HYCC2: variants seen among roughly 807,000 people sequenced by gnomAD.
HYCC2 encodes the protein hyccin 2.
the HYCC2 span, among the ~76,000 whole-genome samples, chr2:201,029,907 T>G: frequency 6.6e-6 from 1 of 152,164 alleles, no homozygotes; most frequent in Non-Finnish European, 1.5e-5. Context: ...TGTGCACATG[T>G]ACCCTAGAAC....
the HYCC2 span, among the ~76,000 whole-genome samples, chr2:200,990,261 A>C: frequency 6.6e-6 from 1 of 152,202 alleles, no homozygotes; most frequent in South Asian, 2.1e-4. Context: ...CCTGGAATAC[A>C]TTGCTAGACA....
the HYCC2 span, among the ~76,000 whole-genome samples, chr2:201,018,564 C>T: frequency 6.6e-6 from 1 of 152,156 alleles, no homozygotes; most frequent in African/African-American, 2.4e-5. Flanking sequence ...AAGAGTTAGG[C>T]TTAGCTCTGG....
chr2:201,041,900 A>G, the HYCC2 span, among the ~76,000 whole-genome samples: 1 of 152,210 alleles, frequency 6.6e-6, no homozygotes, highest in Non-Finnish European at 1.5e-5. Context: ...AATCCTAAAA[A>G]TATATTTTAG....
the HYCC2 span, among the ~76,000 whole-genome samples, chr2:201,026,353 A>T: frequency 6.6e-6 from 1 of 152,180 alleles, no homozygotes; most frequent in African/African-American, 2.4e-5. Context: ...AGACTCCCAA[A>T]CAGTAATAAT....
chr2:201,062,429 A>G, the HYCC2 span, among the ~76,000 whole-genome samples: 1 of 152,142 alleles, frequency 6.6e-6, no homozygotes, highest in Non-Finnish European at 1.5e-5. Flanking sequence ...CAGGCAGATC[A>G]CAAGGTCAGG....
chr2:201,069,944 C>T, the HYCC2 span, among the ~76,000 whole-genome samples: 1 of 152,142 alleles, frequency 6.6e-6, no homozygotes, highest in Admixed American at 6.5e-5. Flanking sequence ...GTTTTTCTGA[C>T]ATGCAGTACC....
At chr2:201,027,738 G>C in the HYCC2 span, among the ~76,000 whole-genome samples, 6 of 152,150 alleles carry the variant, frequency 3.9e-5, no homozygotes, top group Non-Finnish European at 8.8e-5. Flanking sequence ...AATAGATGCA[G>C]AAAAGGCCTC....
chr2:201,021,058 C>T, the HYCC2 span, among the ~76,000 whole-genome samples: 11 of 152,194 alleles, frequency 7.2e-5, no homozygotes, highest in Admixed American at 6.5e-4. Context: ...TGAGACACTG[C>T]GCCGGCAACT....
chr2:200,995,493 C>T, the HYCC2 span, among the ~76,000 whole-genome samples: 1 of 152,200 alleles, frequency 6.6e-6, no homozygotes. Context: ...TACGTGAGTA[C>T]GTTACATAAG....
the HYCC2 span, among the ~76,000 whole-genome samples, chr2:201,062,101 T>C: frequency 6.6e-6 from 1 of 152,082 alleles, no homozygotes; most frequent in Non-Finnish European, 1.5e-5. Context: ...CAAGACCCTG[T>C]CTCAAAAAAT....
At chr2:201,029,283 C>T in the HYCC2 span, among the ~76,000 whole-genome samples, 12 of 152,168 alleles carry the variant, frequency 7.9e-5, no homozygotes, top group African/African-American at 2.6e-4. Context: ...GTTAGAATGG[C>T]GACCATCAGA....
chr2:201,040,130 G>A, the HYCC2 span, among the ~76,000 whole-genome samples: 151 of 150,168 alleles, frequency 1.0e-3, no homozygotes, highest in African/African-American at 3.3e-3. Flanking sequence ...CCGAGACCGC[G>A]CCACTGCACT....
chr2:201,010,067 G>GCA, the HYCC2 span, among the ~76,000 whole-genome samples: 1 of 146,588 alleles, frequency 6.8e-6, no homozygotes, highest in African/African-American at 2.5e-5. Flanking sequence ...TCGCGCCACT[G>GCA]CACTCCATCC....
chr2:201,029,100 A>C, the HYCC2 span, among the ~76,000 whole-genome samples: 1 of 152,360 alleles, frequency 6.6e-6, no homozygotes, highest in South Asian at 2.1e-4. Context: ...GAACTTAAAC[A>C]GATTTACAAG....
chr2:201,030,260 G>A, the HYCC2 span, among the ~76,000 whole-genome samples: 1 of 151,966 alleles, frequency 6.6e-6, no homozygotes, highest in Non-Finnish European at 1.5e-5. Context: ...TACCTGCTCT[G>A]TATCTCAACT....
At chr2:201,010,403 C>G in the HYCC2 span, among the ~76,000 whole-genome samples, 3 of 152,218 alleles carry the variant, frequency 2.0e-5, no homozygotes, top group Admixed American at 2.0e-4. Flanking sequence ...TAAATGTTAT[C>G]CTCACGACTT....
At chr2:200,981,276 C>T in the HYCC2 span, 3 of 1,612,478 alleles carry the variant, frequency 1.9e-6, no homozygotes, top group Non-Finnish European at 2.5e-6. The surrounding 1 kb of genome is among the most constrained non-coding windows in gnomAD (Gnocchi z 4.5). Context: ...AAAACTACAC[C>T]TGGGATATTA....
the HYCC2 span, among the ~76,000 whole-genome samples, chr2:201,050,350 A>T: frequency 6.6e-6 from 1 of 152,180 alleles, no homozygotes; most frequent in East Asian, 1.9e-4. Context: ...AAGCAAATAA[A>T]GAAATGGAAT....
At chr2:200,997,862 C>G in the HYCC2 span, among the ~76,000 whole-genome samples, 2 of 152,098 alleles carry the variant, frequency 1.3e-5, no homozygotes, top group Admixed American at 6.6e-5. Context: ...ACGGTGAAAC[C>G]CCGTCTCTAT....
Sources: gnomAD v4.1 joint callset for allele counts (sites outside exome capture counted in the v4.1 genomes callset) on GRCh38, gnomAD v4.1.1 for gene constraint, Gnocchi (gnomAD v3.1) non-coding constraint, MANE v1.5 for transcripts, NCBI Gene and HGNC (gene_info 2026-07-23, HGNC 2026-07-21) for gene names.